The following ACIN1 variants were observed in gnomAD, a reference collection of about 807,000 sequenced individuals.
ACIN1 encodes apoptotic chromatin condensation inducer 1, also known as apoptotic chromatin condensation inducer in the nucleus.
Under a neutral mutation model 146.6 loss-of-function variants are expected in ACIN1, and 16 were observed. That is an observed-to-expected ratio of 0.11 (90% CI 0.07 to 0.17). The LOEUF is 0.17. Among genes scored for constraint, ACIN1 ranks in the 10% least tolerant of loss-of-function variants. The pLI is 1.00. For missense variants in ACIN1, 1,357 were observed against 1,609.3 expected (o/e 0.84, Z 2.68); for synonymous variants, 569 against 582.7 (o/e 0.98, Z 0.34).
rs1043663051 is a variant in ACIN1 at position 23,067,576 on chromosome 14, C to T, written c.2266-1568G>A. On this transcript the variant is annotated intron_variant, in intron 9 of 18. Transcript: ENST00000605057. This position sits in a 1 kb window ranked among gnomAD's most constrained non-coding sequence, Gnocchi z 4.6. ...AGACAGTTCACTGGCGGTGGCCAGG[C>T]TCAGCGAGGGATAGAGGGGGGAAAG... 71 of 985,740 alleles carry T rather than the reference C, an allele frequency of 7.2e-5. No individual in the cohort carries two copies. The highest frequency in any genetic ancestry group is 8.3e-5 in the Non-Finnish European group (69 of 830,016). The allele number at this position is 985,740 out of a possible 1,614,324, so 61.1% of individuals were successfully genotyped here. A position where few individuals can be genotyped will look rare whatever the true frequency, so the allele number is the denominator to read the frequency against.
intron 8 of ACIN1, chr14:23,077,663 TG>T (rs1299570640): frequency 1.3e-5 from 2 of 153,034 alleles, no homozygotes; most frequent in African/African-American, 2.4e-5. Flanking sequence ...TACTGTATGC[TG>T]TAAGAACTAG....
intron 8 of ACIN1, chr14:23,076,531 GA>G (rs2140127060): frequency 6.6e-6 from 1 of 152,254 alleles, no homozygotes; most frequent in Non-Finnish European, 1.5e-5. Context: ...ACTTGCATGG[GA>G]ATGTCCAGAA....
intron 2 of ACIN1, 145 bp downstream of exon 2, chr14:23,093,334 A>G: frequency 7.7e-6 from 6 of 777,874 alleles, no homozygotes; most frequent in African/African-American, 1.8e-5. Context: ...TTAGAATTCA[A>G]CTGTCCTGGT....
chr14:23,064,142 T>G lies in ACIN1; in HGVS notation c.2558A>C (p.His853Pro). 1.9e-6 allele frequency: 3 copies of G among 1,614,160 alleles called. No homozygotes were observed. ...ETERNGDDGT[H>P]DKGLKICRTV... is the part of the protein sequence containing the mutation. Reference sequence around the variant, plus strand: ...CCGGCATATTTTCAGCCCCTTGTCATGGGTCCCATCATCGCCATTACGCTC... The same window carrying G: ...CCGGCATATTTTCAGCCCCTTGTCAGGGGTCCCATCATCGCCATTACGCTC... Residue 853 changes from histidine (H) to proline (P), a missense_variant, in exon 12 of 19, where the codon CAT becomes CCT. His to Pro is a moderately conservative substitution (Grantham distance 77). This residue lies in a region of ACIN1 where 509 missense variants were observed against 719.6 expected (regional missense o/e 0.71). Coordinates refer to ENST00000605057, the MANE Select transcript of ACIN1 (RefSeq NM_001386863.1).
At chr14:23,069,016 G>C in intron 9 of ACIN1, 3 of 986,256 alleles carry the variant, frequency 3.0e-6, no homozygotes, top group East Asian at 1.1e-4. Context: ...TCTGCAGTCA[G>C]ACCACTGGAG....
chr14:23,084,372 C>T (rs541832012), intron 4 of ACIN1, among the ~76,000 whole-genome samples: 12 of 151,980 alleles, frequency 7.9e-5, no homozygotes, highest in South Asian at 2.1e-4. Context: ...ATTGAGAGGC[C>T]GAGGCGGGCA....
chr14:23,062,630 G>A lies in ACIN1; in HGVS notation c.2884-107C>T, dbSNP rs919739997. ...AGGAGTATAGTTTCAAGGTTTGGGG[G>A]AGGGCAGAGAGTTTAGGAACCTTGC... On this transcript the variant is annotated intron_variant, in intron 14 of 18. Coordinates refer to ENST00000605057, the MANE Select transcript of ACIN1 (RefSeq NM_001386863.1). The A allele has an allele frequency of 1.1e-5, 12 of 1,084,616 alleles. No homozygotes were observed. In the Admixed American group the frequency reaches 2.1e-4, roughly 19 times the overall value. The allele number at this position is 1,084,616 out of a possible 1,614,324, so 67.2% of individuals were successfully genotyped here.
At chr14:23,089,180 A>C (rs2048163350) in intron 4 of ACIN1, among the ~76,000 whole-genome samples, 1 of 152,120 alleles carries the variant, frequency 6.6e-6, no homozygotes, top group Non-Finnish European at 1.5e-5. Flanking sequence ...CACTGGGATT[A>C]CAGGTGCCTG....
At chr14:23,088,902 T>C (rs2048154721) in intron 4 of ACIN1, among the ~76,000 whole-genome samples, 1 of 152,174 alleles carries the variant, frequency 6.6e-6, no homozygotes, top group Non-Finnish European at 1.5e-5. Context: ...TCAAAAAGTT[T>C]TGGGTCTTTG....
chr14:23,084,483 G>A (rs948363201), intron 4 of ACIN1, among the ~76,000 whole-genome samples: 4 of 151,970 alleles, frequency 2.6e-5, no homozygotes, highest in Admixed American at 6.6e-5. Flanking sequence ...GGTGGCGTAC[G>A]CCTGCAGTCC....
Position 23,080,524 on chromosome 14 carries a change from GGGATCTTGTTTT to G in ACIN1, c.799_810del (p.Lys267_Ser270del). ...CCTCTCTCTAACACCTCCTGTTCCTGGGATCTTGTTTTGGGTCTCTCATCCATCATCTCCTCT... is the reference window on the plus strand; with the variant it reads ...CCTCTCTCTAACACCTCCTGTTCCTGGGGTCTCTCATCCATCATCTCCTCT... On this transcript the variant is annotated inframe_deletion, in exon 6 of 19. Coordinates refer to ENST00000605057, the MANE Select transcript of ACIN1 (RefSeq NM_001386863.1). 6.2e-7 allele frequency: 1 copy of G among 1,613,940 alleles called. No homozygotes were observed. The highest frequency in any genetic ancestry group is 8.5e-7 in the Non-Finnish European group (1 of 1,179,980).
Position 23,068,880 on chromosome 14 carries a change from G to C in ACIN1, c.2265+596C>G. The stretch of plus-strand genomic sequence containing the variant: ...CAAGAAGACTTCGCTGGCTCTGATG[G>C]GGGAAGCCCCCTGAAGTGGGTGCAG... On this transcript the variant is annotated intron_variant, in intron 9 of 18. Transcript: ENST00000605057. The surrounding 1 kb of genome is among the most constrained non-coding windows in gnomAD (Gnocchi z 4.3). 1 of 985,382 alleles carries C rather than the reference G, an allele frequency of 1.0e-6. No individual in the cohort carries two copies. Among genetic ancestry groups the C allele is most frequent in the Non-Finnish European group, 1.2e-6 (1 of 829,924 alleles). The allele number at this position is 985,382 out of a possible 1,614,324, so 61.0% of individuals were successfully genotyped here. A position where few individuals can be genotyped will look rare whatever the true frequency, so the allele number is the denominator to read the frequency against.
chr14:23,095,333 C>T, upstream of ACIN1: 7 of 1,550,230 alleles, frequency 4.5e-6, no homozygotes, highest in South Asian at 2.4e-5. Context: ...CCCCTTTTCT[C>T]GCCCTGCTTT....
Position 23,074,366 on chromosome 14 carries a change from G to A in ACIN1, c.2123+3785C>T, listed in dbSNP as rs183590132. On this transcript the variant is annotated intron_variant, in intron 8 of 18. Transcript: ENST00000605057. ...GGACTGCCTGAGGCCAGGAGTTTGA[G>A]ACCAGCCTGGCCAACATGGTGAAAC... Among the ~76,000 whole-genome samples, 188 of 151,946 alleles carry A rather than the reference G, an allele frequency of 1.2e-3. 2 individuals carry two copies. Among genetic ancestry groups the A allele is most frequent in the African/African-American group, 4.3e-3 (177 of 41,466 alleles).
chr14:23,071,695 CCAGAGG>C, intron 8 of ACIN1: 3 of 832,180 alleles, frequency 3.6e-6, no homozygotes, highest in Non-Finnish European at 5.4e-6. Flanking sequence ...ACTGCTGGCT[CCAGAGG>C]CCTGGCCTTC....
intron 4 of ACIN1, among the ~76,000 whole-genome samples, chr14:23,083,683 C>T (rs1248029728): frequency 6.6e-5 from 10 of 152,026 alleles, no homozygotes; most frequent in Middle Eastern, 3.4e-3. Context: ...GAGTCGAGAT[C>T]GCGCCACTGC....
intron 4 of ACIN1, among the ~76,000 whole-genome samples, chr14:23,082,199 G>A (rs1319521954): frequency 6.6e-6 from 1 of 152,120 alleles, no homozygotes; most frequent in African/African-American, 2.4e-5. Flanking sequence ...TCTGAATAAA[G>A]TTTAAGACTT....
chr14:23,073,519 G>A (rs1165056264), intron 8 of ACIN1, among the ~76,000 whole-genome samples: 4 of 152,108 alleles, frequency 2.6e-5, no homozygotes, highest in Admixed American at 1.3e-4. Context: ...TTGGCTGGGC[G>A]TGGTGGTGCA....
At chr14:23,093,412 C>T in intron 2 of ACIN1, 67 bp downstream of exon 2, 1 of 1,468,962 alleles carries the variant, frequency 6.8e-7, no homozygotes, top group Non-Finnish European at 9.5e-7. Flanking sequence ...AAATATACAA[C>T]ACCACGTCCT....
Sources: gnomAD v4.1 joint callset for allele counts (sites outside exome capture counted in the v4.1 genomes callset) on GRCh38, gnomAD v4.1.1 for gene constraint, gnomAD v4.1.1 regional missense constraint, Gnocchi (gnomAD v3.1) non-coding constraint, MANE v1.5 for transcripts, NCBI Gene and HGNC (gene_info 2026-07-23, HGNC 2026-07-21) for gene names.